The following DNAJB4 variants were observed in gnomAD, a reference collection of about 807,000 sequenced individuals.
The protein encoded by DNAJB4 is DnaJ heat shock protein family (Hsp40) member B4.
Under a neutral mutation model 26.6 loss-of-function variants are expected in DNAJB4, and 10 were observed. The observed-to-expected ratio is 0.38, with a 90% CI of 0.23 to 0.64. The LOEUF (loss-of-function observed/expected upper bound fraction) is 0.64, where lower values mean the gene tolerates loss of function less well. DNAJB4 is among the 30% of genes least tolerant of loss of function. The pLI is 0.58. For missense variants in DNAJB4, 328 were observed against 408.2 expected (o/e 0.80, Z 1.69); for synonymous variants, 136 against 134.8 (o/e 1.01, Z -0.06).
intron 1 of DNAJB4, among the ~76,000 whole-genome samples, chr1:77,998,472 A>C (rs1044371774): frequency 2.0e-5 from 3 of 152,200 alleles, no homozygotes; most frequent in African/African-American, 7.2e-5. Context: ...GATAGGGCTT[A>C]ATGTCTTAAA....
chr1:77,984,331 T>G (rs534045670), intron 1 of DNAJB4, among the ~76,000 whole-genome samples: 3 of 152,352 alleles, frequency 2.0e-5, no homozygotes, highest in African/African-American at 7.2e-5. Flanking sequence ...AACTCAAACT[T>G]TTTGTTAGCT....
chr1:77,997,361 CTATATATA>C (rs1049173141), intron 1 of DNAJB4, among the ~76,000 whole-genome samples: 1 of 148,954 alleles, frequency 6.7e-6, no homozygotes, highest in African/African-American at 2.5e-5. Flanking sequence ...ATCTATATAT[CTATATATA>C]TATTAGCAAG....
At chr1:77,992,571 C>T (rs1203593986) in intron 1 of DNAJB4, among the ~76,000 whole-genome samples, 2 of 152,036 alleles carry the variant, frequency 1.3e-5, no homozygotes, top group East Asian at 1.9e-4. Context: ...GATTATTAAA[C>T]AGTCTTTCTC....
chr1:77,993,379 A>G (rs1167495502), intron 1 of DNAJB4, among the ~76,000 whole-genome samples: 3 of 151,978 alleles, frequency 2.0e-5, no homozygotes, highest in East Asian at 1.9e-4. Context: ...CAGTGGAACA[A>G]TCTTGGCTCA....
intron 1 of DNAJB4, among the ~76,000 whole-genome samples, chr1:77,980,924 T>TA (rs1409663166): frequency 2.4e-4 from 36 of 152,234 alleles, no homozygotes; most frequent in African/African-American, 8.4e-4. Context: ...ACTACAGATT[T>TA]AATCATAATG....
At chr1:78,007,653 C>T (rs1412725475) in intron 1 of DNAJB4, among the ~76,000 whole-genome samples, 1 of 152,148 alleles carries the variant, frequency 6.6e-6, no homozygotes, top group Non-Finnish European at 1.5e-5. Flanking sequence ...AATTATTCTT[C>T]CTTCACAGGA....
upstream of DNAJB4, among the ~76,000 whole-genome samples, chr1:78,002,559 TGTG>T (rs1571437731): frequency 6.6e-6 from 1 of 152,282 alleles, no homozygotes; most frequent in East Asian, 1.9e-4. Context: ...AAATTCCAGG[TGTG>T]GTATTTATAG....
upstream of DNAJB4, among the ~76,000 whole-genome samples, chr1:78,001,526 CTATTT>C (rs1660195156): frequency 1.3e-5 from 2 of 151,944 alleles, no homozygotes; most frequent in African/African-American, 2.4e-5. Context: ...TTCTTCTGTA[CTATTT>C]TATTATAAAC....
chr1:77,997,239 A>C (rs1660082062), intron 1 of DNAJB4, among the ~76,000 whole-genome samples: 1 of 145,982 alleles, frequency 6.9e-6, no homozygotes. Context: ...CAACACTGGG[A>C]GGTTGAGACG....
chr1:78,004,391 C>T (rs1660267793), upstream of DNAJB4: 1 of 152,144 alleles, frequency 6.6e-6, no homozygotes, highest in Admixed American at 6.6e-5. Context: ...TATAGATACT[C>T]CCTTAACAAT....
Position 78,005,063 on chromosome 1 carries a change from T to C in DNAJB4, c.-48T>C. The C allele has an allele frequency of 6.4e-7, 1 of 1,567,442 alleles. No homozygotes were observed. Among genetic ancestry groups the C allele is most frequent in the Non-Finnish European group, 8.7e-7 (1 of 1,148,956 alleles). On this transcript the variant is annotated 5_prime_UTR_variant, in exon 1 of 3. Transcript: ENST00000370763. The stretch of plus-strand genomic sequence containing the variant: ...AATCTGTTGCTAAGACTGGGGACGC[T>C]GTTTTCTTTTACAAAGGGAAATCTA...
At chr1:78,002,331 A>G (rs2102602416), upstream of DNAJB4, among the ~76,000 whole-genome samples, 1 of 152,278 alleles carries the variant, frequency 6.6e-6, no homozygotes, top group East Asian at 1.9e-4. Context: ...TTGGATGACC[A>G]AGATTTAATG....
At chr1:78,010,403 A>G in intron 1 of DNAJB4, among the ~76,000 whole-genome samples, 1 of 152,090 alleles carries the variant, frequency 6.6e-6, no homozygotes, top group Non-Finnish European at 1.5e-5. Context: ...ATCTGCCATT[A>G]CCTTTTTAAC....
chr1:77,999,739 A>C (rs922755842), intron 1 of DNAJB4, among the ~76,000 whole-genome samples: 2 of 152,188 alleles, frequency 1.3e-5, no homozygotes, highest in African/African-American at 4.8e-5. Flanking sequence ...AATCTTTGTG[A>C]GTTAGGTATT....
rs1465470928 is a variant in DNAJB4 at position 78,005,292 on chromosome 1, G to C, written c.182G>C (p.Arg61Thr). ...AYEVLSDPKK[R>T]EIYDQFGEEG... ...GAAGTATTGAGTGATCCTAAAAAGA[G>C]AGAAATATATGATCAGTTTGGGGAG... Residue 61 changes from arginine (R) to threonine (T), a missense_variant, in exon 1 of 3, where the codon AGA (arginine) becomes ACA (threonine). Transcript: ENST00000370763. 6.2e-7 allele frequency: 1 copy of C among 1,613,514 alleles called. No individual in the cohort carries two copies. Among genetic ancestry groups the C allele is most frequent in the Non-Finnish European group, 8.5e-7 (1 of 1,179,850 alleles).
intron 1 of DNAJB4, among the ~76,000 whole-genome samples, chr1:77,994,866 A>G (rs188072582): frequency 6.6e-6 from 1 of 152,288 alleles, no homozygotes; most frequent in Admixed American, 6.5e-5. Flanking sequence ...GTACTATTTT[A>G]TAAGTAAAAT....
chr1:77,994,170 G>C (rs983112146), intron 1 of DNAJB4, among the ~76,000 whole-genome samples: 6 of 152,074 alleles, frequency 3.9e-5, no homozygotes, highest in African/African-American at 1.4e-4. Context: ...GGGAGGCGGA[G>C]GTGGGAAGAT....
chr1:78,017,613 A>G lies in DNAJB4; in HGVS notation c.*1366A>G, dbSNP rs1476739798. 2 of 152,022 alleles carry G rather than the reference A, an allele frequency of 1.3e-5. No individual in the cohort carries two copies. The highest frequency in any genetic ancestry group is 6.6e-5 in the Admixed American group (1 of 15,250). 9.4% of individuals were successfully genotyped at this position (152,022 alleles called of 1,614,324 possible). On this transcript the variant is annotated 3_prime_UTR_variant, in exon 3 of 3. Coordinates refer to ENST00000370763, the MANE Select transcript of DNAJB4 (RefSeq NM_007034.5). ...CATCATCACTTTCTAATTCCAGAAT[A>G]TTTTCATCACCCCAAAAAGAAATCC...
intron 1 of DNAJB4, among the ~76,000 whole-genome samples, chr1:78,010,140 A>G (rs1241665637): frequency 6.6e-6 from 1 of 152,162 alleles, no homozygotes; most frequent in Non-Finnish European, 1.5e-5. Context: ...CAGAAAGCCA[A>G]ACCCATGATG....
Sources: gnomAD v4.1 joint callset for allele counts (sites outside exome capture counted in the v4.1 genomes callset) on GRCh38, gnomAD v4.1.1 for gene constraint, MANE v1.5 for transcripts, NCBI Gene and HGNC (gene_info 2026-07-23, HGNC 2026-07-21) for gene names.